Variants in USH2A observed in about 807,000 individuals in gnomAD.
USH2A encodes the protein Usher syndrome 2A (autosomal recessive, mild).
Under a neutral mutation model 538.9 loss-of-function variants are expected in USH2A, and 443 were observed. The observed-to-expected ratio is 0.82, with a 90% CI of 0.76 to 0.89. The LOEUF is 0.89. Ranked by LOEUF, USH2A falls within the 40% of genes least tolerant of loss-of-function variation. USH2A has a pLI of 0.00. For missense variants in USH2A, 6,633 were observed against 6,324.8 expected, an observed-to-expected ratio of 1.05 and a Z score of -1.65; for synonymous variants, 2,413 against 2,273.5, an observed-to-expected ratio of 1.06 and a Z score of -1.75.
chr1:215,868,854 A>G (rs1415719953), intron 43 of USH2A, among the ~76,000 whole-genome samples: 1 of 152,246 alleles, frequency 6.6e-6, no homozygotes, highest in Non-Finnish European at 1.5e-5. Context: ...AAGAGGCAAG[A>G]AAGGGTTCTT....
At chr1:215,628,222 T>C (rs1656128387) in intron 71 of USH2A, among the ~76,000 whole-genome samples, 2 of 152,180 alleles carry the variant, frequency 1.3e-5, no homozygotes, top group African/African-American at 4.8e-5. Flanking sequence ...ATGCCTTGTT[T>C]TAGGCCCATT....
At chr1:216,148,814 A>G (rs2033768777) in intron 21 of USH2A, among the ~76,000 whole-genome samples, 1 of 150,768 alleles carries the variant, frequency 6.6e-6, no homozygotes, top group African/African-American at 2.4e-5. Context: ...CTTCTTTACT[A>G]TTCCTTTGCA....
chr1:216,201,804 C>CCAGAGAGAGACCT (rs2035007437), intron 16 of USH2A: 1 of 228,584 alleles, frequency 4.4e-6, no homozygotes, highest in Non-Finnish European at 9.8e-6. Context: ...TTCAGTTGTA[C>CCAGAGAGAGACCT]CATGGGTACC....
chr1:216,160,245 T>G (rs904234420), intron 21 of USH2A, among the ~76,000 whole-genome samples: 1 of 152,154 alleles, frequency 6.6e-6, no homozygotes, highest in Non-Finnish European at 1.5e-5. Flanking sequence ...TAATTGATTG[T>G]TAACTATTCC....
At chr1:215,912,925 T>A (rs1474900950) in intron 38 of USH2A, among the ~76,000 whole-genome samples, 1 of 152,116 alleles carries the variant, frequency 6.6e-6, no homozygotes, top group Non-Finnish European at 1.5e-5. Context: ...CTTGCAGCCA[T>A]ACCATGAATT....
chr1:216,118,628 G>T (rs1425014124), intron 21 of USH2A, among the ~76,000 whole-genome samples: 2 of 152,188 alleles, frequency 1.3e-5, no homozygotes, highest in Non-Finnish European at 2.9e-5. Context: ...GCCACTCCAA[G>T]AGCTCAGAGT....
Position 216,217,499 on chromosome 1 carries a change from G to A in USH2A, c.3045C>T (p.His1015=). The A allele has an allele frequency of 1.9e-6, 3 of 1,613,296 alleles. No individual in the cohort carries two copies. The highest frequency in any genetic ancestry group is 2.5e-6 in the Non-Finnish European group (3 of 1,179,494). The change falls in exon 15 of 72, where the codon CAC becomes CAT. Residue 1015 remains histidine, a synonymous_variant. Transcript: ENST00000307340. ...TACAGAAACACTGGCCTGTGACCAA[G>A]TGACAGGTTTCATTCAAGGCTCCTG... ...HLSGALNETC[H]LVTGQCFCKQ...
At chr1:215,901,116 A>G in intron 38 of USH2A, 1 of 621,594 alleles carries the variant, frequency 1.6e-6, no homozygotes, top group Non-Finnish European at 2.8e-6. Flanking sequence ...TCAGTCTTAA[A>G]AGCCGGCCCC....
rs1414814178 is a variant in USH2A at position 215,798,865 on chromosome 1, T to A, written c.9958+42A>T. On this transcript the variant is annotated intron_variant, in intron 50 of 71. Transcript: ENST00000307340. ...GCAAATTTCTCACTCTCTCTGCTTC[T>A]CAGATCCTCCATCTACTGAAAGGTA... 3 of 1,611,466 alleles carry A rather than the reference T, an allele frequency of 1.9e-6. No individual in the cohort carries two copies. The South Asian group carries it at 3.3e-5, about 18-fold the overall frequency.
In USH2A at chr1:215,781,410, T is replaced by C. The variant is rs1405205839; in HGVS notation, c.10740+632A>G. 9.8e-5 allele frequency among the ~76,000 whole-genome samples: 15 copies of C among 152,334 alleles called. No individual in the cohort carries two copies. In the East Asian group the frequency reaches 2.7e-3, roughly 27 times the overall value. ...AAAATTTGCTTGCAGAATAGCACCA[T>C]GATCCACAAATTACTCAAGCAGATA... On this transcript the variant is annotated intron_variant, in intron 54 of 71. Transcript: ENST00000307340.
intron 52 of USH2A, 53 bp from the exon 53 acceptor site, chr1:215,782,988 C>G (rs1661692511): frequency 2.0e-6 from 3 of 1,537,540 alleles, no homozygotes; most frequent in African/African-American, 1.4e-5. Flanking sequence ...ATTTTTTAAC[C>G]ATCATATTAA....
chr1:216,323,243 T>C (rs1015472220), intron 8 of USH2A, among the ~76,000 whole-genome samples: 2 of 145,408 alleles, frequency 1.4e-5, no homozygotes, highest in South Asian at 2.1e-4. Context: ...CCTGTATATA[T>C]AAATATATAT....
intron 61 of USH2A, among the ~76,000 whole-genome samples, chr1:215,718,595 C>T (rs1659554860): frequency 6.6e-6 from 1 of 152,194 alleles, no homozygotes; most frequent in South Asian, 2.1e-4. Context: ...ACAGCTGTTA[C>T]AGTGGTCACT....
intron 21 of USH2A, among the ~76,000 whole-genome samples, chr1:216,134,850 C>G (rs575010364): frequency 3.3e-5 from 5 of 152,174 alleles, no homozygotes; most frequent in African/African-American, 1.2e-4. Context: ...TGTCAAGAAT[C>G]GATGGCAAGT....
Position 215,800,942 on chromosome 1 carries a change from G to A in USH2A, c.9740-1817C>T, listed in dbSNP as rs184784932. Among the ~76,000 whole-genome samples the A allele has an allele frequency of 1.4e-4, 21 of 152,012 alleles. No homozygotes were observed. The South Asian group carries it at 3.1e-3, about 23-fold the overall frequency. ...AAATGATTCTGCAACATGACCAAGC[G>A]GGATATATCCCTGGAATACCAGGAT... On this transcript the variant is annotated intron_variant, in intron 49 of 71. Transcript: ENST00000307340.
intron 55 of USH2A, among the ~76,000 whole-genome samples, chr1:215,769,786 A>G (rs1661229132): frequency 6.6e-6 from 1 of 152,304 alleles, no homozygotes; most frequent in African/African-American, 2.4e-5. Context: ...GAGTTCAAAC[A>G]TATTATCAAA....
intron 4 of USH2A, among the ~76,000 whole-genome samples, chr1:216,345,068 C>T (rs780096464): frequency 2.6e-5 from 4 of 151,986 alleles, no homozygotes; most frequent in African/African-American, 9.6e-5. Context: ...TCCCTTCAAG[C>T]GGCAGCCTGA....
At chr1:216,144,340 T>A (rs1203107258) in intron 21 of USH2A, among the ~76,000 whole-genome samples, 1 of 151,952 alleles carries the variant, frequency 6.6e-6, no homozygotes, top group Non-Finnish European at 1.5e-5. Flanking sequence ...GACTGCAGGG[T>A]TTTTTGCTTT....
chr1:216,174,067 A>T, intron 21 of USH2A: 3 of 985,168 alleles, frequency 3.0e-6, no homozygotes, highest in Non-Finnish European at 2.4e-6. Flanking sequence ...ATTAATCTCA[A>T]TATATCTCAG....
Sources: allele counts gnomAD v4.1 joint callset (sites outside exome capture counted in the v4.1 genomes callset), GRCh38; gene constraint gnomAD v4.1.1; transcripts MANE v1.5; gene names NCBI Gene and HGNC (gene_info 2026-07-23, HGNC 2026-07-21).